TIAM1: variants seen among roughly 807,000 people sequenced by gnomAD.
TIAM1 encodes the protein TIAM Rac1 associated GEF 1, also known as rho guanine nucleotide exchange factor TIAM1.
Under a neutral mutation model 163.5 loss-of-function variants are expected in TIAM1, and 65 were observed. The ratio of observed to expected loss-of-function variants is 0.40; its 90% CI spans 0.33 to 0.49. The LOEUF is 0.49. TIAM1 is among the 20% of genes least tolerant of loss of function. TIAM1 has a pLI of 0.77. For missense variants in TIAM1, 1,789 were observed against 2,044.7 expected, an observed-to-expected ratio of 0.87 and a Z score of 2.41; for synonymous variants, 833 against 810.1, an observed-to-expected ratio of 1.03 and a Z score of -0.48.
chr21:31,533,070 C>T (rs1372755333), intron 1 of TIAM1, among the ~76,000 whole-genome samples: 1 of 152,242 alleles, frequency 6.6e-6, no homozygotes, highest in Non-Finnish European at 1.5e-5. Context: ...CCTGTAATCT[C>T]AGCACTCTGG....
chr21:31,544,247 G>C (rs1158957342), intron 1 of TIAM1, among the ~76,000 whole-genome samples: 1 of 150,872 alleles, frequency 6.6e-6, no homozygotes, highest in East Asian at 2.0e-4. Context: ...TAGGCCACTT[G>C]TGGTGGCTCA....
intron 6 of TIAM1, among the ~76,000 whole-genome samples, chr21:31,245,179 G>A (rs2071430308): frequency 6.6e-6 from 1 of 151,924 alleles, no homozygotes. Context: ...CAACAGAAAT[G>A]GTACTGAGAC....
upstream of TIAM1, among the ~76,000 whole-genome samples, chr21:31,348,138 A>C (rs1408444854): frequency 6.6e-6 from 1 of 152,192 alleles, no homozygotes; most frequent in African/African-American, 2.4e-5. Flanking sequence ...GCTGGGCTTT[A>C]AAATTCCTTT....
chr21:31,174,264 C>T (rs1449939478), intron 15 of TIAM1, among the ~76,000 whole-genome samples: 2 of 152,252 alleles, frequency 1.3e-5, no homozygotes, highest in Non-Finnish European at 2.9e-5. Flanking sequence ...CACGTCCTGC[C>T]CATGCAGACC....
At chr21:31,246,046 G>A (rs1016961594) in intron 5 of TIAM1, among the ~76,000 whole-genome samples, 15 of 152,146 alleles carry the variant, frequency 9.9e-5, no homozygotes, top group Middle Eastern at 3.2e-3. Flanking sequence ...AGTCACTACC[G>A]TCCGATTGAA....
At chr21:31,204,849 A>G (rs907168164) in intron 11 of TIAM1, among the ~76,000 whole-genome samples, 4 of 152,252 alleles carry the variant, frequency 2.6e-5, no homozygotes, top group African/African-American at 9.6e-5. Flanking sequence ...AAAGTTTTCT[A>G]TCAGTGATTC....
intron 2 of TIAM1, among the ~76,000 whole-genome samples, chr21:31,403,531 C>G (rs771381590): frequency 3.3e-5 from 5 of 152,162 alleles, no homozygotes; most frequent in Non-Finnish European, 7.3e-5. Flanking sequence ...GAAAATCTAC[C>G]AAGCTCTCAG....
chr21:31,365,456 T>G lies in TIAM1; in HGVS notation c.-368-26034A>C, dbSNP rs2076487209. On this transcript the variant is annotated intron_variant, in intron 2 of 28. Transcript: ENST00000286827. ...CAGGCTGGAGTGCAGGGGCATGATCTCGGCTCACTGCAAGCTCTGCCTCCC... is the reference window on the plus strand; with the variant it reads ...CAGGCTGGAGTGCAGGGGCATGATCGCGGCTCACTGCAAGCTCTGCCTCCC... Among the ~76,000 whole-genome samples, 8 of 149,310 alleles carry G rather than the reference T, an allele frequency of 5.4e-5. No individual in the cohort carries two copies. In the Admixed American group the frequency reaches 5.4e-4, roughly 10 times the overall value.
intron 1 of TIAM1, among the ~76,000 whole-genome samples, chr21:31,514,720 G>T (rs901457300): frequency 3.9e-5 from 6 of 152,096 alleles, no homozygotes; most frequent in African/African-American, 1.4e-4. Context: ...TCTGAGTTTT[G>T]ATACAACCAC....
chr21:31,554,447 T>C (rs899618982), intron 1 of TIAM1, among the ~76,000 whole-genome samples: 1 of 152,066 alleles, frequency 6.6e-6, no homozygotes, highest in African/African-American at 2.4e-5. Flanking sequence ...ACAGAAAACA[T>C]CCATATTATA....
chr21:31,279,244 A>G (rs1008626406), intron 2 of TIAM1, among the ~76,000 whole-genome samples: 12 of 152,142 alleles, frequency 7.9e-5, no homozygotes, highest in African/African-American at 2.9e-4. Context: ...TTTCGTGGGG[A>G]AAAAATTTGC....
chr21:31,170,626 C>G (rs2084455865), intron 15 of TIAM1, among the ~76,000 whole-genome samples: 1 of 152,142 alleles, frequency 6.6e-6, no homozygotes, highest in Non-Finnish European at 1.5e-5. Context: ...GCTAACAGAA[C>G]AGAGAGCTCA....
chr21:31,120,724 G>T lies in TIAM1; in HGVS notation c.4420C>A (p.Pro1474Thr), dbSNP rs761233016. Reference protein sequence around the residue: ...ASSPEKESQQPPGGGDTDRWV... With the variant: ...ASSPEKESQQTPGGGDTDRWV... ...CGGTCAGTGTCCCCACCACCGGGGGGCTGCTGGGACTCTTTCTCCGGGCTG... is the reference window on the plus strand; with the variant it reads ...CGGTCAGTGTCCCCACCACCGGGGGTCTGCTGGGACTCTTTCTCCGGGCTG... Residue 1474 changes from proline to threonine, a missense_variant, in exon 28 of 28, where the codon CCC becomes ACC. By Grantham distance (38) the Pro-to-Thr change is conservative (BLOSUM62 -1). Coordinates refer to ENST00000541036, the MANE Select transcript of TIAM1 (RefSeq NM_001353694.2). This position sits in a 1 kb window ranked among gnomAD's most constrained non-coding sequence, Gnocchi z 4.2. 6.2e-7 allele frequency: 1 copy of T among 1,614,038 alleles called. No homozygotes were observed. Among genetic ancestry groups the T allele is most frequent in the Non-Finnish European group, 8.5e-7 (1 of 1,179,994 alleles).
chr21:31,388,206 G>C (rs2076908941), intron 2 of TIAM1, among the ~76,000 whole-genome samples: 1 of 123,364 alleles, frequency 8.1e-6, no homozygotes, highest in Admixed American at 8.3e-5. Context: ...AACGCAAGAA[G>C]ACCCTAACAC....
chr21:31,520,720 G>C (rs2047551636), intron 1 of TIAM1, among the ~76,000 whole-genome samples: 1 of 152,220 alleles, frequency 6.6e-6, no homozygotes, highest in Non-Finnish European at 1.5e-5. Context: ...AACAAAGCCA[G>C]TCAAAAGCAC....
chr21:31,121,659 T>C (rs1227408513), intron 27 of TIAM1, among the ~76,000 whole-genome samples: 1 of 152,170 alleles, frequency 6.6e-6, no homozygotes, highest in Non-Finnish European at 1.5e-5. Context: ...CTCATTGGAA[T>C]GAGAAATAAA....
At chr21:31,159,107 G>A (rs76161160) in intron 16 of TIAM1, among the ~76,000 whole-genome samples, 1,906 of 152,186 alleles carry the variant, frequency 0.013, 42 homozygotes, top group African/African-American at 0.044. Context: ...TCCCCTACTT[G>A]AGGACTGTAA....
At chr21:31,434,548 AGAG>A (rs1174513265) in intron 2 of TIAM1, among the ~76,000 whole-genome samples, 1 of 152,248 alleles carries the variant, frequency 6.6e-6, no homozygotes, top group Non-Finnish European at 1.5e-5. Context: ...ACCATGGTTA[AGAG>A]CTGGAAAGAT....
intron 8 of TIAM1, among the ~76,000 whole-genome samples, chr21:31,221,896 A>C (rs2087581647): frequency 6.6e-6 from 1 of 152,182 alleles, no homozygotes; most frequent in African/African-American, 2.4e-5. Flanking sequence ...CAAGAAATAG[A>C]TCTGGAGTCA....
Sources: allele counts gnomAD v4.1 joint callset (sites outside exome capture counted in the v4.1 genomes callset), GRCh38; gene constraint gnomAD v4.1.1; non-coding constraint Gnocchi (gnomAD v3.1); transcripts MANE v1.5; gene names NCBI Gene and HGNC (gene_info 2026-07-23, HGNC 2026-07-21).